RALGAPA1: variants seen among roughly 807,000 people sequenced by gnomAD.
RALGAPA1 encodes ral GTPase-activating protein subunit alpha-1.
Under a neutral mutation model 269.6 loss-of-function variants are expected in RALGAPA1, and 52 were observed. The observed-to-expected ratio is 0.19, with a 90% CI of 0.15 to 0.24. The LOEUF (loss-of-function observed/expected upper bound fraction) is 0.24, where lower values mean the gene tolerates loss of function less well. Ranked by LOEUF, RALGAPA1 falls within the 10% of genes least tolerant of loss-of-function variation. The pLI, the probability that RALGAPA1 is intolerant of heterozygous loss-of-function variation, is 1.00. For missense variants in RALGAPA1, 1,917 were observed against 3,013.9 expected, an observed-to-expected ratio of 0.64 and a Z score of 8.52; for synonymous variants, 817 against 1,008.3, an observed-to-expected ratio of 0.81 and a Z score of 3.60.
intron 35 of RALGAPA1, among the ~76,000 whole-genome samples, chr14:35,609,447 GAATGAAAATAAAA>G (rs1417309143): frequency 7.9e-5 from 12 of 151,852 alleles, no homozygotes; most frequent in African/African-American, 1.9e-4. Flanking sequence ...ACTTAGAGAT[GAATGAAAATAAAA>G]AATGAAAATA....
intron 1 of RALGAPA1, among the ~76,000 whole-genome samples, chr14:35,788,087 T>C (rs894866461): frequency 1.3e-5 from 2 of 152,174 alleles, no homozygotes; most frequent in African/African-American, 4.8e-5. Flanking sequence ...TTCTCCTGCC[T>C]CAGCCTCCCG....
intron 41 of RALGAPA1, among the ~76,000 whole-genome samples, chr14:35,547,431 CAT>C (rs2054558005): frequency 6.6e-6 from 1 of 152,014 alleles, no homozygotes. Flanking sequence ...AACAACGACA[CAT>C]GAGAACTGAA....
chr14:35,798,688 A>C (rs2141888508), intron 1 of RALGAPA1, among the ~76,000 whole-genome samples: 1 of 152,288 alleles, frequency 6.6e-6, no homozygotes, highest in East Asian at 1.9e-4. Context: ...CAGAAACAAA[A>C]TTATACTGAA....
intron 36 of RALGAPA1, among the ~76,000 whole-genome samples, chr14:35,604,322 A>G (rs1239691340): frequency 6.6e-6 from 1 of 152,084 alleles, no homozygotes; most frequent in African/African-American, 2.4e-5. Context: ...GATATCTTAC[A>G]GAGTATATTC....
intron 35 of RALGAPA1, among the ~76,000 whole-genome samples, chr14:35,621,566 G>A (rs986896908): frequency 1.3e-5 from 2 of 152,188 alleles, no homozygotes; most frequent in African/African-American, 4.8e-5. Flanking sequence ...TGTCATCAGA[G>A]TGAACAGGCA....
intron 34 of RALGAPA1, among the ~76,000 whole-genome samples, chr14:35,626,661 G>C (rs776004876): frequency 5.9e-5 from 9 of 152,022 alleles, no homozygotes; most frequent in Non-Finnish European, 1.2e-4. Context: ...TGAGTTTATT[G>C]TAAGTTTTTA....
intron 35 of RALGAPA1, among the ~76,000 whole-genome samples, chr14:35,615,594 C>A (rs1032940203): frequency 2.0e-5 from 3 of 151,972 alleles, no homozygotes; most frequent in African/African-American, 4.8e-5. Context: ...TTTTAAAAAG[C>A]AAACAAATAA....
At chr14:35,577,425 T>G (rs1329023339) in intron 37 of RALGAPA1, among the ~76,000 whole-genome samples, 2 of 152,188 alleles carry the variant, frequency 1.3e-5, no homozygotes, top group East Asian at 3.8e-4. Context: ...TTGACTCTTC[T>G]GCTATTATAT....
chr14:35,549,351 C>G, intron 39 of RALGAPA1, 117 bp from the exon 40 acceptor site: 2 of 1,019,030 alleles, frequency 2.0e-6, no homozygotes, highest in Non-Finnish European at 2.8e-6. Flanking sequence ...GAATTATTCA[C>G]TAATTATTCT....
intron 10 of RALGAPA1, among the ~76,000 whole-genome samples, chr14:35,745,232 G>A (rs959319910): frequency 1.3e-5 from 2 of 152,122 alleles, no homozygotes; most frequent in Admixed American, 6.6e-5. Flanking sequence ...CAGTTAATTC[G>A]TCTATGAAGA....
chr14:35,697,614 TG>T (rs1032235957), intron 17 of RALGAPA1, among the ~76,000 whole-genome samples: 1 of 151,968 alleles, frequency 6.6e-6, no homozygotes, highest in Non-Finnish European at 1.5e-5. Flanking sequence ...CCAAAGTTGC[TG>T]GGGGTACAGG....
chr14:35,754,700 G>T (rs1490577891), intron 7 of RALGAPA1, among the ~76,000 whole-genome samples: 2 of 152,128 alleles, frequency 1.3e-5, no homozygotes, highest in Non-Finnish European at 2.9e-5. Flanking sequence ...ATTTGACCCA[G>T]CCATTCTACT....
intron 1 of RALGAPA1, among the ~76,000 whole-genome samples, chr14:35,791,974 T>A (rs866495767): frequency 9.8e-5 from 14 of 143,522 alleles, no homozygotes; most frequent in Middle Eastern, 3.5e-3. Context: ...ATTTATATAA[T>A]AGACATCTTG....
At chr14:35,796,209 A>G (rs1222781102) in intron 1 of RALGAPA1, among the ~76,000 whole-genome samples, 1 of 152,198 alleles carries the variant, frequency 6.6e-6, no homozygotes, top group Admixed American at 6.6e-5. Context: ...AAGACCCAAG[A>G]TGAACTAGAT....
intron 21 of RALGAPA1, among the ~76,000 whole-genome samples, chr14:35,678,969 C>T (rs1174973213): frequency 6.6e-6 from 1 of 152,150 alleles, no homozygotes; most frequent in Non-Finnish European, 1.5e-5. Context: ...CCACTTATCA[C>T]ACTGACTTGA....
chr14:35,717,921 C>T (rs944642634), intron 16 of RALGAPA1, among the ~76,000 whole-genome samples: 24 of 152,044 alleles, frequency 1.6e-4, no homozygotes, highest in African/African-American at 4.1e-4. Context: ...TATCTCCTAA[C>T]GCTCTCTTCT....
At chr14:35,769,504 G>A (rs1254340568) in intron 4 of RALGAPA1, among the ~76,000 whole-genome samples, 1 of 152,088 alleles carries the variant, frequency 6.6e-6, no homozygotes. Flanking sequence ...TGGGTGACAG[G>A]ATCAGTCATA....
intron 1 of RALGAPA1, among the ~76,000 whole-genome samples, chr14:35,776,449 AC>A (rs1268817940): frequency 6.6e-6 from 1 of 152,184 alleles, no homozygotes; most frequent in African/African-American, 2.4e-5. Context: ...TAGGTACCTA[AC>A]AATAGGCTTT....
chr14:35,663,348 A>T (rs1286247677), intron 27 of RALGAPA1, among the ~76,000 whole-genome samples: 1 of 152,122 alleles, frequency 6.6e-6, no homozygotes, highest in Non-Finnish European at 1.5e-5. Context: ...AGATATATGG[A>T]TGCTATAGAA....
Sources: allele counts gnomAD v4.1 joint callset (sites outside exome capture counted in the v4.1 genomes callset), GRCh38; gene constraint gnomAD v4.1.1; transcripts MANE v1.5; gene names NCBI Gene and HGNC (gene_info 2026-07-23, HGNC 2026-07-21).